KLF12: variants seen among roughly 807,000 people sequenced by gnomAD.
KLF12 encodes the protein Krueppel-like factor 12.
KLF12 carries 9 observed loss-of-function variants against 37.8 expected under a neutral mutation model. The ratio of observed to expected loss-of-function variants is 0.24; its 90% CI spans 0.14 to 0.42. The LOEUF (loss-of-function observed/expected upper bound fraction) is 0.42. KLF12 is among the 10% of genes least tolerant of loss of function. The pLI, the probability that KLF12 is intolerant of heterozygous loss-of-function variation, is 1.00. For missense variants in KLF12, 411 were observed against 516.0 expected (o/e 0.80, Z 1.97); for synonymous variants, 208 against 202.1 (o/e 1.03, Z -0.25).
chr13:73,832,168 G>T (rs1457880942), intron 4 of KLF12, among the ~76,000 whole-genome samples: 3 of 152,142 alleles, frequency 2.0e-5, no homozygotes, highest in African/African-American at 7.2e-5. Context: ...GACCTCATGG[G>T]CTACTTTCCA....
intron 1 of KLF12, among the ~76,000 whole-genome samples, chr13:74,003,444 G>A (rs1178964050): frequency 6.6e-6 from 1 of 152,194 alleles, no homozygotes; most frequent in African/African-American, 2.4e-5. Flanking sequence ...ATGTGGAAAA[G>A]AAGCCTGTTG....
At chr13:74,072,196 A>G (rs538046975) in intron 1 of KLF12, among the ~76,000 whole-genome samples, 24 of 151,816 alleles carry the variant, frequency 1.6e-4, no homozygotes, top group Non-Finnish European at 2.9e-4. Flanking sequence ...GTGATTATAT[A>G]TTATCATACA....
chr13:73,793,455 C>T (rs1881800914), intron 5 of KLF12, among the ~76,000 whole-genome samples: 1 of 152,192 alleles, frequency 6.6e-6, no homozygotes, highest in African/African-American at 2.4e-5. Context: ...TTAAAAAGCA[C>T]ATTGAGGCTA....
chr13:74,065,841 T>A (rs780558960), intron 1 of KLF12, among the ~76,000 whole-genome samples: 2 of 152,008 alleles, frequency 1.3e-5, no homozygotes, highest in Non-Finnish European at 2.9e-5. Context: ...ACATGTGACA[T>A]GAGGATTCTA....
At chr13:73,770,416 A>G (rs555608405) in intron 5 of KLF12, among the ~76,000 whole-genome samples, 1 of 152,356 alleles carries the variant, frequency 6.6e-6, no homozygotes, top group East Asian at 1.9e-4. Context: ...TATATTTTTA[A>G]AAGGTTCTCC....
At chr13:74,279,405 C>A in the KLF12 span, among the ~76,000 whole-genome samples, 2 of 152,112 alleles carry the variant, frequency 1.3e-5, no homozygotes, top group Non-Finnish European at 2.9e-5. Flanking sequence ...CCAAAACTAA[C>A]CATGCATATT....
intron 3 of KLF12, among the ~76,000 whole-genome samples, chr13:73,929,371 CAG>C (rs1889557235): frequency 6.6e-6 from 1 of 152,128 alleles, no homozygotes; most frequent in African/African-American, 2.4e-5. Context: ...CCCCATTTTA[CAG>C]ATAAAGAAAC....
intron 2 of KLF12, among the ~76,000 whole-genome samples, chr13:73,989,481 T>C (rs781269459): frequency 6.6e-6 from 1 of 152,200 alleles, no homozygotes; most frequent in African/African-American, 2.4e-5. Flanking sequence ...TTGTGGAGCC[T>C]AGCTCCCTCA....
At chr13:73,887,345 G>T (rs1435812237) in intron 3 of KLF12, among the ~76,000 whole-genome samples, 1 of 152,190 alleles carries the variant, frequency 6.6e-6, no homozygotes, top group Admixed American at 6.5e-5. Flanking sequence ...CTAGGGCCTG[G>T]TGGGAGCTAA....
chr13:74,112,735 G>A (rs2138934570), intron 1 of KLF12, among the ~76,000 whole-genome samples: 1 of 152,144 alleles, frequency 6.6e-6, no homozygotes, highest in East Asian at 1.9e-4. Flanking sequence ...CTAAAATTGG[G>A]CCAATTAATA....
intron 1 of KLF12, among the ~76,000 whole-genome samples, chr13:74,122,689 A>T (rs1452813876): frequency 1.3e-5 from 2 of 152,114 alleles, no homozygotes; most frequent in Non-Finnish European, 1.5e-5. Context: ...TTGGAATACA[A>T]TATAACAAAT....
At chr13:73,874,744 T>C (rs1260360911) in intron 3 of KLF12, among the ~76,000 whole-genome samples, 1 of 152,172 alleles carries the variant, frequency 6.6e-6, no homozygotes, top group East Asian at 1.9e-4. Context: ...CTAAGAAACA[T>C]GGGCCAACTG....
chr13:74,163,896 TA>T, the KLF12 span, among the ~76,000 whole-genome samples: 12 of 90,448 alleles, frequency 1.3e-4, no homozygotes, highest in East Asian at 8.7e-4. Flanking sequence ...ATTTAAAAAT[TA>T]AAAAAAAAGA....
At chr13:74,221,167 C>T in the KLF12 span, among the ~76,000 whole-genome samples, 8 of 152,090 alleles carry the variant, frequency 5.3e-5, no homozygotes, top group South Asian at 6.2e-4. Flanking sequence ...CCACCACGCC[C>T]GGCTAATTTT....
At chr13:74,230,733 C>T in the KLF12 span, among the ~76,000 whole-genome samples, 2 of 152,218 alleles carry the variant, frequency 1.3e-5, no homozygotes, top group South Asian at 4.1e-4. Context: ...TGTGCATGCA[C>T]GACTATCAAG....
At chr13:74,094,550 G>A (rs1566209352) in intron 1 of KLF12, among the ~76,000 whole-genome samples, 1 of 151,812 alleles carries the variant, frequency 6.6e-6, no homozygotes, top group African/African-American at 2.4e-5. Context: ...CTGGCACATA[G>A]GAGGTAGTAA....
chr13:74,209,335 A>G, the KLF12 span, among the ~76,000 whole-genome samples: 3 of 152,144 alleles, frequency 2.0e-5, no homozygotes, highest in Admixed American at 2.0e-4. Flanking sequence ...CCCGTTTAAA[A>G]AGTTGTCATT....
At chr13:74,140,996 A>C in the KLF12 span, among the ~76,000 whole-genome samples, 148,071 of 151,990 alleles carry the variant, frequency 0.97, 72,262 homozygotes, top group Middle Eastern at 1. Flanking sequence ...ACCTGGGAGG[A>C]GGAGCTTGCA....
intron 2 of KLF12, among the ~76,000 whole-genome samples, chr13:73,964,148 T>G (rs1891107729): frequency 6.6e-6 from 1 of 152,156 alleles, no homozygotes. Flanking sequence ...ATCCAAATAG[T>G]GGGCAATGGA....
Sources: allele counts gnomAD v4.1 joint callset (sites outside exome capture counted in the v4.1 genomes callset), GRCh38; gene constraint gnomAD v4.1.1; transcripts MANE v1.5; gene names NCBI Gene and HGNC (gene_info 2026-07-23, HGNC 2026-07-21).